Variants in HEPHL1 observed in about 807,000 individuals in gnomAD.
HEPHL1 encodes hephaestin like 1.
A neutral mutation model predicts 122.0 loss-of-function variants in HEPHL1; 123 were observed. That is an observed-to-expected ratio of 1.01 (90% confidence interval 0.87 to 1.17). The LOEUF is 1.17. Among genes scored for constraint, HEPHL1 ranks in the 50% most tolerant of loss-of-function variants. The pLI is 0.00. For missense variants in HEPHL1, 1,452 were observed against 1,430.5 expected (o/e 1.01, Z -0.24); for synonymous variants, 527 against 508.9 (o/e 1.04, Z -0.48).
chr11:94,021,952 T>C (rs905681861), intron 1 of HEPHL1, among the ~76,000 whole-genome samples: 1 of 152,180 alleles, frequency 6.6e-6, no homozygotes, highest in African/African-American at 2.4e-5. Context: ...GAATGAAACA[T>C]CATAATGGGA....
intron 9 of HEPHL1, among the ~76,000 whole-genome samples, chr11:94,077,134 T>G (rs1946132201): frequency 6.6e-6 from 1 of 152,220 alleles, no homozygotes; most frequent in Admixed American, 6.5e-5. Flanking sequence ...GTAGACATAA[T>G]GTCTTTCAGT....
intron 6 of HEPHL1, 123 bp from the exon 7 acceptor site, chr11:94,072,902 G>C (rs2134433547): frequency 1.2e-6 from 1 of 847,592 alleles, no homozygotes; most frequent in Middle Eastern, 2.8e-4. Flanking sequence ...CAAGGCCTGT[G>C]CTGTCTTTTC....
rs958180652 is a variant in HEPHL1, at chr11:94,114,086, T to G, written c.*2192T>G. Among the ~76,000 whole-genome samples, 4 of 152,226 alleles carry G rather than the reference T, an allele frequency of 2.6e-5. No individual in the cohort carries two copies. The highest frequency in any genetic ancestry group is 9.6e-5 in the African/African-American group (4 of 41,460). On this transcript the variant is annotated 3_prime_UTR_variant, in exon 20 of 20. Transcript: ENST00000315765. ...CTTTGGGTCTCATTGCTTCTTGCTT[T>G]CTCAAGACTTCATTCCCTTGGGTAT...
Position 94,063,512 on chromosome 11 carries a change from CCTATACCCAGATGGAACATCTGGA to C in HEPHL1, c.421_444del (p.Leu141_Gly148del). 6.2e-7 allele frequency: 1 copy of C among 1,601,354 alleles called. No individual in the cohort carries two copies. Among genetic ancestry groups the C allele is most frequent in the Non-Finnish European group, 8.5e-7 (1 of 1,173,340 alleles). Reference sequence around the variant, plus strand: ...TTTAATTTTATTTTTTGGAAGGAGCCCTATACCCAGATGGAACATCTGGAAGGAACAAAAATGATGACATGGTTC... The same window carrying C: ...TTTAATTTTATTTTTTGGAAGGAGCCAGGAACAAAAATGATGACATGGTTC... On this transcript the variant is annotated inframe_deletion, in exon 3 of 20. Transcript: ENST00000315765.
In HEPHL1 at chr11:94,106,005, A is replaced by G. The variant is rs1430597530; in HGVS notation, c.2920A>G (p.Ile974Val). The G allele has an allele frequency of 5.1e-6, 8 of 1,577,306 alleles. No individual in the cohort carries two copies. Among genetic ancestry groups the G allele is most frequent in the Non-Finnish European group, 6.9e-6 (8 of 1,157,172 alleles). Residue 974 changes from isoleucine (I) to valine (V), a missense_variant, in exon 17 of 20, where the codon ATT becomes GTT. Physicochemically the swap from Ile to Val is conservative, Grantham distance 29 (BLOSUM62 3). Coordinates refer to ENST00000315765, the MANE Select transcript of HEPHL1 (RefSeq NM_001098672.2). The stretch of plus-strand genomic sequence containing the variant: ...ACCTTTTAAAGCCATTAATGGAAAG[A>G]TTTTTGGGAATCTCCATGGCCTCAT... Reference protein sequence around the residue: ...SNRMHAINGKIFGNLHGLIMN... With the variant: ...SNRMHAINGKVFGNLHGLIMN...
Position 94,021,378 on chromosome 11 carries a change from A to T in HEPHL1, c.10A>T (p.Lys4Ter). ...TGAGTTACATCCACAAATGCCTCGG[A>T]AGCAGCCAGCTGGCTGCATCTTTCT... MPR[K>*]QPAGCIFLLT... The change falls in exon 1 of 20, where the codon AAG (lysine) becomes TAG (stop). Residue 4 changes from lysine (K) to a stop codon, truncating the protein, a stop_gained. Transcript: ENST00000315765. LOFTEE classifies it high-confidence loss of function. 6.2e-7 allele frequency: 1 copy of T among 1,612,226 alleles called. No homozygotes were observed. Among genetic ancestry groups the T allele is most frequent in the South Asian group, 1.1e-5 (1 of 90,696 alleles).
intron 1 of HEPHL1, among the ~76,000 whole-genome samples, chr11:94,029,324 G>T (rs1323455212): frequency 6.6e-6 from 1 of 152,160 alleles, no homozygotes; most frequent in Non-Finnish European, 1.5e-5. Context: ...GGAAGAGAGG[G>T]TCTTGCAATA....
intron 2 of HEPHL1, among the ~76,000 whole-genome samples, 174 bp downstream of exon 2, chr11:94,046,091 C>CTTGTTTTTTTT (rs1555059417): frequency 1.5e-5 from 1 of 65,048 alleles, no homozygotes; most frequent in Non-Finnish European, 2.6e-5. Context: ...CCCTTTCTTG[C>CTTGTTTTTTTT]TTTTTTTTTT....
Position 94,106,099 on chromosome 11 carries a change from T to C in HEPHL1, c.3014T>C (p.Ile1005Thr). The C allele has an allele frequency of 1.9e-6, 3 of 1,582,054 alleles. No individual in the cohort carries two copies. Among genetic ancestry groups the C allele is most frequent in the African/African-American group, 1.3e-5 (1 of 74,662 alleles). Reference sequence around the variant, plus strand: ...GGAAGTGAAGTGGACATACATACCATCCATTATCATGCTGAGAGCTTTCTT... The same window carrying C: ...GGAAGTGAAGTGGACATACATACCACCCATTATCATGCTGAGAGCTTTCTT... ...GIGSEVDIHT[I>T]HYHAESFLFK... Residue 1005 changes from isoleucine to threonine, a missense_variant, in exon 17 of 20, where the codon ATC (isoleucine) becomes ACC (threonine). Transcript: ENST00000315765.
intron 6 of HEPHL1, among the ~76,000 whole-genome samples, chr11:94,072,345 C>T (rs1946081044): frequency 6.6e-6 from 1 of 151,730 alleles, no homozygotes; most frequent in Admixed American, 6.6e-5. Flanking sequence ...AGAAAAGATG[C>T]ACAAGGAGGA....
intron 7 of HEPHL1, 37 bp from the exon 8 acceptor site, chr11:94,073,271 C>A (rs1471170558): frequency 6.2e-7 from 1 of 1,607,714 alleles, no homozygotes; most frequent in East Asian, 2.2e-5. Flanking sequence ...TGTCTCTTTT[C>A]ATTCTCTTCT....
chr11:94,025,893 T>G (rs1172735904), intron 1 of HEPHL1, among the ~76,000 whole-genome samples: 6 of 152,372 alleles, frequency 3.9e-5, no homozygotes, highest in African/African-American at 1.4e-4. Flanking sequence ...TTTGGACTGA[T>G]GCCATATGAA....
At chr11:94,104,073 G>T (rs1403148030) in intron 15 of HEPHL1, among the ~76,000 whole-genome samples, 1 of 152,184 alleles carries the variant, frequency 6.6e-6, no homozygotes, top group Non-Finnish European at 1.5e-5. Context: ...GGAGTGGCAG[G>T]CTAACTAAAG....
chr11:94,077,566 A>G (rs1452467740), intron 9 of HEPHL1, among the ~76,000 whole-genome samples: 2 of 152,196 alleles, frequency 1.3e-5, no homozygotes, highest in Non-Finnish European at 2.9e-5. Context: ...TTTCAAATGT[A>G]CAATTAAGGT....
intron 1 of HEPHL1, among the ~76,000 whole-genome samples, chr11:94,044,826 G>A (rs770933106): frequency 2.0e-5 from 3 of 149,070 alleles, no homozygotes; most frequent in Admixed American, 6.7e-5. Context: ...GCAGTGGTGC[G>A]ATCTTGGCTC....
At chr11:94,104,447 A>G in intron 15 of HEPHL1, 81 bp from the exon 16 acceptor site, 1 of 954,872 alleles carries the variant, frequency 1.0e-6, no homozygotes, top group Non-Finnish European at 1.6e-6. Context: ...TTATGACCCT[A>G]CACTAGAATG....
chr11:94,098,452 C>T (rs1946337882), intron 13 of HEPHL1, among the ~76,000 whole-genome samples: 1 of 152,106 alleles, frequency 6.6e-6, no homozygotes, highest in Admixed American at 6.5e-5. Flanking sequence ...AACATTTTTT[C>T]CTTCATTTCA....
At chr11:94,024,114 A>G (rs1411398557) in intron 1 of HEPHL1, among the ~76,000 whole-genome samples, 1 of 152,154 alleles carries the variant, frequency 6.6e-6, no homozygotes, top group Non-Finnish European at 1.5e-5. Context: ...TGCCTTTCTG[A>G]GGACAGTCTG....
chr11:94,045,825 T>C lies in HEPHL1; in HGVS notation c.323T>C (p.Val108Ala). Residue 108 changes from valine to alanine, a missense_variant, in exon 2 of 20, where the codon GTG becomes GCG. Coordinates refer to ENST00000315765, the MANE Select transcript of HEPHL1 (RefSeq NM_001098672.2). ...GFLGPILRAE[V>A]GDVIVIHLKN... ...CTGGGCCCCATCTTGAGGGCCGAAG[T>C]GGGTGATGTGATTGTCATTCATTTA... 6.2e-7 allele frequency: 1 copy of C among 1,613,842 alleles called. No homozygotes were observed. Among genetic ancestry groups the C allele is most frequent in the Non-Finnish European group, 8.5e-7 (1 of 1,179,842 alleles).
Sources: allele counts gnomAD v4.1 joint callset (sites outside exome capture counted in the v4.1 genomes callset), GRCh38; gene constraint gnomAD v4.1.1; transcripts MANE v1.5; gene names NCBI Gene and HGNC (gene_info 2026-07-23, HGNC 2026-07-21).